The following RPSA2 variants were observed in gnomAD, a reference collection of about 807,000 sequenced individuals.
RPSA2 encodes the protein small ribosomal subunit protein uS2B.
At chr19:23,841,834 G>A in the RPSA2 span, among the ~76,000 whole-genome samples, 1 of 152,194 alleles carries the variant, frequency 6.6e-6, no homozygotes. Flanking sequence ...GCAGAGATGA[G>A]CACTTGTACT....
the RPSA2 span, among the ~76,000 whole-genome samples, chr19:23,830,635 T>G: frequency 3.9e-5 from 6 of 152,104 alleles, no homozygotes; most frequent in Non-Finnish European, 8.8e-5. Context: ...ACAATTTTTG[T>G]TTTTTTGAAA....
chr19:23,868,986 C>T, the RPSA2 span, among the ~76,000 whole-genome samples: 8 of 152,176 alleles, frequency 5.3e-5, no homozygotes, highest in African/African-American at 1.7e-4. Flanking sequence ...ACTACTGGAG[C>T]GTCAAGGCCA....
At chr19:23,836,372 GAC>G in the RPSA2 span, among the ~76,000 whole-genome samples, 25 of 150,114 alleles carry the variant, frequency 1.7e-4, no homozygotes, top group Admixed American at 2.7e-4. Flanking sequence ...CACACACACA[GAC>G]ACACACACAC....
chr19:23,761,052 G>GTGTATATA, the RPSA2 span, among the ~76,000 whole-genome samples: 156 of 148,050 alleles, frequency 1.1e-3, no homozygotes, highest in African/African-American at 3.7e-3. Context: ...GTATATATGT[G>GTGTATATA]TATATATATA....
the RPSA2 span, among the ~76,000 whole-genome samples, chr19:23,869,954 C>T: frequency 3.3e-5 from 5 of 152,216 alleles, no homozygotes; most frequent in Non-Finnish European, 7.3e-5. Flanking sequence ...ACTCAATTGA[C>T]CTTAAATCTT....
the RPSA2 span, chr19:23,832,721 A>G: frequency 6.5e-7 from 1 of 1,531,878 alleles, no homozygotes; most frequent in Non-Finnish European, 8.9e-7. Context: ...AAACCCTACA[A>G]ATGTGAAGAA....
chr19:23,834,226 G>C, the RPSA2 span, among the ~76,000 whole-genome samples: 1 of 151,964 alleles, frequency 6.6e-6, no homozygotes, highest in African/African-American at 2.4e-5. Flanking sequence ...TTTTTGGAGA[G>C]TTATAATTAC....
At chr19:23,766,878 C>T in the RPSA2 span, among the ~76,000 whole-genome samples, 2 of 151,930 alleles carry the variant, frequency 1.3e-5, no homozygotes, top group African/African-American at 4.8e-5. Flanking sequence ...CCTACCTCAG[C>T]GTCCTGAGTA....
chr19:23,776,588 A>G, the RPSA2 span, among the ~76,000 whole-genome samples: 1 of 152,164 alleles, frequency 6.6e-6, no homozygotes, highest in Non-Finnish European at 1.5e-5. Context: ...CTCTGTGCTC[A>G]TCACCCAGGT....
At chr19:23,801,920 A>G in the RPSA2 span, among the ~76,000 whole-genome samples, 2 of 152,184 alleles carry the variant, frequency 1.3e-5, no homozygotes, top group African/African-American at 2.4e-5. Context: ...AATTTTCTAG[A>G]GCAGTCTCTG....
At chr19:23,794,582 ATTACACCTT>A in the RPSA2 span, among the ~76,000 whole-genome samples, 1 of 151,994 alleles carries the variant, frequency 6.6e-6, no homozygotes, top group Non-Finnish European at 1.5e-5. Context: ...GATTCTGGAT[ATTACACCTT>A]TGTCAGAAGC....
chr19:23,839,449 C>T, the RPSA2 span, among the ~76,000 whole-genome samples: 1 of 152,258 alleles, frequency 6.6e-6, no homozygotes, highest in South Asian at 2.1e-4. Context: ...GGTCTCACAC[C>T]CACTGCACCC....
At chr19:23,849,277 C>T in the RPSA2 span, among the ~76,000 whole-genome samples, 2 of 152,100 alleles carry the variant, frequency 1.3e-5, no homozygotes, top group African/African-American at 2.4e-5. Context: ...AGTGGCAATG[C>T]CCGATGTTCT....
chr19:23,847,242 G>C, the RPSA2 span, among the ~76,000 whole-genome samples: 27 of 148,684 alleles, frequency 1.8e-4, no homozygotes, highest in East Asian at 4.9e-3. Context: ...CTATCTCCTT[G>C]GCACATTTCT....
the RPSA2 span, among the ~76,000 whole-genome samples, chr19:23,836,103 G>A: frequency 9.2e-5 from 14 of 152,048 alleles, no homozygotes; most frequent in Admixed American, 9.2e-4. Context: ...CATCACCCAA[G>A]CAGTATACAC....
chr19:23,794,280 G>A, the RPSA2 span, among the ~76,000 whole-genome samples: 1 of 152,196 alleles, frequency 6.6e-6, no homozygotes, highest in East Asian at 1.9e-4. Flanking sequence ...TTACCACACT[G>A]CTTTTTACAA....
At chr19:23,799,983 T>C in the RPSA2 span, among the ~76,000 whole-genome samples, 3 of 152,042 alleles carry the variant, frequency 2.0e-5, no homozygotes, top group African/African-American at 4.8e-5. Flanking sequence ...CTGTAATACA[T>C]TTGACATTCA....
chr19:23,848,383 A>G, the RPSA2 span, among the ~76,000 whole-genome samples: 1 of 152,114 alleles, frequency 6.6e-6, no homozygotes, highest in Non-Finnish European at 1.5e-5. Context: ...AGCACACTAA[A>G]AACAAGCCGA....
chr19:23,789,015 C>CTTTT, the RPSA2 span, among the ~76,000 whole-genome samples: 1 of 10,872 alleles, frequency 9.2e-5, no homozygotes, highest in African/African-American at 1.9e-4. Flanking sequence ...TCTTTTTTTT[C>CTTTT]TTTCTTTCTT....
Sources: allele counts gnomAD v4.1 joint callset (sites outside exome capture counted in the v4.1 genomes callset), GRCh38; gene constraint gnomAD v4.1.1; transcripts MANE v1.5; gene names NCBI Gene and HGNC (gene_info 2026-07-23, HGNC 2026-07-21).